The following MIPOL1 variants were observed in gnomAD, a reference collection of about 807,000 sequenced individuals.
MIPOL1 encodes the protein mirror-image polydactyly 1, also known as mirror-image polydactyly gene 1 protein.
A neutral mutation model predicts 60.9 loss-of-function variants in MIPOL1; 57 were observed. The observed-to-expected ratio is 0.94, with a 90% CI of 0.76 to 1.17. MIPOL1 has a LOEUF of 1.17. Ranked by LOEUF, MIPOL1 falls within the 50% of genes most tolerant of loss-of-function variation. MIPOL1 has a pLI of 0.00. For missense variants in MIPOL1, 551 were observed against 511.6 expected, an observed-to-expected ratio of 1.08 and a Z score of -0.74; for synonymous variants, 179 against 168.8, an observed-to-expected ratio of 1.06 and a Z score of -0.47.
At chr14:37,217,645 C>G (rs1328192139) in intron 1 of MIPOL1, among the ~76,000 whole-genome samples, 3 of 152,188 alleles carry the variant, frequency 2.0e-5, no homozygotes, top group Non-Finnish European at 4.4e-5. Flanking sequence ...AAAAACCATA[C>G]AATCATTTCA....
intron 10 of MIPOL1, among the ~76,000 whole-genome samples, chr14:37,380,258 C>T (rs774818039): frequency 1.6e-4 from 24 of 152,044 alleles, no homozygotes; most frequent in Non-Finnish European, 2.6e-4. Flanking sequence ...TTTCTAACAG[C>T]GTTCTGTTCC....
At chr14:37,233,572 C>T (rs75072425) in intron 1 of MIPOL1, among the ~76,000 whole-genome samples, 7,543 of 152,024 alleles carry the variant, frequency 0.05, 434 homozygotes, top group African/African-American at 0.14. Flanking sequence ...CATTAGCTGA[C>T]GAAAAATGAA....
chr14:37,461,946 G>T (rs1490988632), intron 11 of MIPOL1, among the ~76,000 whole-genome samples: 1 of 152,156 alleles, frequency 6.6e-6, no homozygotes, highest in Non-Finnish European at 1.5e-5. Context: ...GCTGTCAGTA[G>T]ATCTACCATT....
chr14:37,474,371 C>T (rs556894478), intron 11 of MIPOL1, among the ~76,000 whole-genome samples: 59 of 152,184 alleles, frequency 3.9e-4, no homozygotes, highest in Non-Finnish European at 7.8e-4. Context: ...CCCCATGTGT[C>T]GTGGGAGGGG....
chr14:37,483,252 A>T (rs577299850), intron 11 of MIPOL1, among the ~76,000 whole-genome samples: 1 of 150,540 alleles, frequency 6.6e-6, no homozygotes, highest in Non-Finnish European at 1.5e-5. Flanking sequence ...AGCTGGGATT[A>T]TGGGCTTATG....
intron 3 of MIPOL1, among the ~76,000 whole-genome samples, chr14:37,256,922 G>A (rs573311008): frequency 6.6e-6 from 1 of 151,862 alleles, no homozygotes; most frequent in South Asian, 2.1e-4. Flanking sequence ...TTTGTTTCAA[G>A]TACTTAATGC....
At chr14:37,513,936 C>T (rs2095349122) in intron 12 of MIPOL1, among the ~76,000 whole-genome samples, 1 of 152,042 alleles carries the variant, frequency 6.6e-6, no homozygotes, top group East Asian at 1.9e-4. Context: ...AGTTTAAATA[C>T]AAGAGTTTTG....
intron 9 of MIPOL1, among the ~76,000 whole-genome samples, chr14:37,337,579 AGGCTGGTCTC>A (rs1175769957): frequency 1.3e-5 from 2 of 151,262 alleles, no homozygotes; most frequent in African/African-American, 4.9e-5. Context: ...TATGTTGACC[AGGCTGGTCTC>A]GAATTCCTGA....
intron 11 of MIPOL1, among the ~76,000 whole-genome samples, chr14:37,468,923 T>C (rs1390042129): frequency 6.6e-6 from 1 of 152,056 alleles, no homozygotes; most frequent in Admixed American, 6.6e-5. Context: ...TAGAGGTAAA[T>C]AGGTGAATGA....
intron 9 of MIPOL1, among the ~76,000 whole-genome samples, chr14:37,348,613 A>G (rs2091112835): frequency 6.6e-6 from 1 of 151,864 alleles, no homozygotes. Flanking sequence ...TAATGGTTAT[A>G]TATTATAACC....
At chr14:37,449,562 G>T (rs993342730) in intron 11 of MIPOL1, among the ~76,000 whole-genome samples, 13 of 152,100 alleles carry the variant, frequency 8.5e-5, no homozygotes, top group African/African-American at 3.1e-4. Context: ...AAACAACATT[G>T]CTGACCATGC....
At chr14:37,483,746 C>T (rs1327022256) in intron 11 of MIPOL1, among the ~76,000 whole-genome samples, 1 of 152,090 alleles carries the variant, frequency 6.6e-6, no homozygotes, top group Non-Finnish European at 1.5e-5. Flanking sequence ...AGCAATCCTC[C>T]TGCCTCAGCC....
At chr14:37,448,828 C>T (rs2094376408) in intron 11 of MIPOL1, among the ~76,000 whole-genome samples, 2 of 152,102 alleles carry the variant, frequency 1.3e-5, no homozygotes, top group South Asian at 2.1e-4. Flanking sequence ...CAGTACTCTG[C>T]GGACTCTTTC....
chr14:37,320,702 C>T (rs1033365639), intron 9 of MIPOL1, among the ~76,000 whole-genome samples: 1 of 152,062 alleles, frequency 6.6e-6, no homozygotes. Flanking sequence ...ACATGTTCTA[C>T]TGTGCTTTCT....
intron 10 of MIPOL1, among the ~76,000 whole-genome samples, chr14:37,411,009 A>G (rs775093753): frequency 6.6e-6 from 1 of 152,206 alleles, no homozygotes; most frequent in Non-Finnish European, 1.5e-5. Flanking sequence ...AAAGGATCAA[A>G]TGTTCCATTT....
chr14:37,310,500 T>C (rs1275060341), intron 9 of MIPOL1, among the ~76,000 whole-genome samples: 2 of 152,192 alleles, frequency 1.3e-5, no homozygotes, highest in African/African-American at 4.8e-5. Flanking sequence ...CCTTTTCTAC[T>C]TTACTTTTTT....
chr14:37,332,443 T>C (rs2153455221), intron 9 of MIPOL1, among the ~76,000 whole-genome samples: 1 of 152,290 alleles, frequency 6.6e-6, no homozygotes, highest in African/African-American at 2.4e-5. Context: ...GCATATAACT[T>C]TTGACTCCCC....
At position 37,472,700 on chromosome 14, in the gene MIPOL1, T is replaced by C. The variant is rs555758447; in HGVS notation, c.1032-27208T>C. 3.3e-5 allele frequency among the ~76,000 whole-genome samples: 5 copies of C among 152,250 alleles called. No individual in the cohort carries two copies. In the South Asian group the frequency reaches 6.2e-4, roughly 19 times the overall value. ...TTTTTTGTAAGGCATCAACATCCTA[T>C]TGTACAATTCTAATAAGTCCTATTC... On this transcript the variant is annotated intron_variant, in intron 11 of 12. Coordinates refer to ENST00000684589, the MANE Select transcript of MIPOL1 (RefSeq NM_001388067.1).
intron 7 of MIPOL1, among the ~76,000 whole-genome samples, chr14:37,291,461 G>T (rs1186672137): frequency 7.4e-6 from 1 of 135,488 alleles, no homozygotes; most frequent in African/African-American, 2.8e-5. Context: ...ATTTATTTTT[G>T]ATTCTCAACT....
Sources: gnomAD v4.1 joint callset for allele counts (sites outside exome capture counted in the v4.1 genomes callset) on GRCh38, gnomAD v4.1.1 for gene constraint, MANE v1.5 for transcripts, NCBI Gene and HGNC (gene_info 2026-07-23, HGNC 2026-07-21) for gene names.